CDADC1: variants seen among roughly 807,000 people sequenced by gnomAD.
The protein encoded by CDADC1 is dCTP deaminase.
Under a neutral mutation model 54.9 loss-of-function variants are expected in CDADC1, and 39 were observed. The observed-to-expected ratio is 0.71, with a 90% CI of 0.55 to 0.93. The LOEUF is 0.93. Among genes scored for constraint, CDADC1 ranks in the 40% least tolerant of loss-of-function variants. The probability of loss-of-function intolerance (pLI) is 0.00; values close to 1 mark genes in which losing one functional copy is unlikely to be tolerated. For missense variants in CDADC1, 518 were observed against 618.8 expected (o/e 0.84, Z 1.73); for synonymous variants, 186 against 204.0 (o/e 0.91, Z 0.75).
At chr13:49,287,973 A>T (rs767000729) in intron 9 of CDADC1, among the ~76,000 whole-genome samples, 2 of 119,328 alleles carry the variant, frequency 1.7e-5, no homozygotes, top group African/African-American at 7.9e-5. Context: ...ACCCTGCCTT[A>T]AAAAAAAAAA....
intron 5 of CDADC1, among the ~76,000 whole-genome samples, chr13:49,272,923 G>T (rs1463973376): frequency 1.3e-5 from 2 of 152,086 alleles, no homozygotes; most frequent in Non-Finnish European, 2.9e-5. Flanking sequence ...AGGCCAAGCA[G>T]GTTGGATCTG....
At chr13:49,265,987 A>G in intron 4 of CDADC1, 1 of 1,294,716 alleles carries the variant, frequency 7.7e-7, no homozygotes, top group African/African-American at 1.5e-5. Flanking sequence ...CAACCGGAGG[A>G]AACACTCTGA....
chr13:49,250,440 G>C (rs1952399987), intron 2 of CDADC1, among the ~76,000 whole-genome samples: 1 of 152,186 alleles, frequency 6.6e-6, no homozygotes, highest in Admixed American at 6.5e-5. Context: ...GGCAAGACTG[G>C]GAGCCAGGCT....
At chr13:49,265,753 A>G (rs9535182) in intron 4 of CDADC1, 178,535 of 631,210 alleles carry the variant, frequency 0.28, 26,123 homozygotes, top group East Asian at 0.49. Context: ...AGCTTTTTGG[A>G]GTCCTCAATA....
At position 49,267,776 on chromosome 13, in the gene CDADC1, T is replaced by C; in HGVS notation, c.717T>C (p.Tyr239=). Residue 239 remains tyrosine (Y), a synonymous_variant, in exon 5 of 10, where the codon TAT becomes TAC. Coordinates refer to ENST00000251108, the MANE Select transcript of CDADC1 (RefSeq NM_030911.4). ...GTAAACAAGAAAGAATAAAAGAATA[T>C]GAAATGTTATTTTTGGTTTCAAATG... ...YECKQERIKE[Y]EMLFLVSNEE... is the part of the protein sequence containing the mutation. 6.2e-7 allele frequency: 1 copy of C among 1,612,366 alleles called. No homozygotes were observed. Among genetic ancestry groups the C allele is most frequent in the Non-Finnish European group, 8.5e-7 (1 of 1,178,832 alleles).
chr13:49,250,622 T>C (rs566991566), intron 2 of CDADC1, among the ~76,000 whole-genome samples: 3 of 152,314 alleles, frequency 2.0e-5, no homozygotes, highest in Admixed American at 6.5e-5. Flanking sequence ...GGGAAGAGAC[T>C]GGAAAGGAGC....
In CDADC1 at chr13:49,257,571, C is replaced by A. The variant is rs185889620; in HGVS notation, c.252+1658C>A. Among the ~76,000 whole-genome samples, 52 of 152,272 alleles carry A rather than the reference C, an allele frequency of 3.4e-4. 2 individuals carry two copies. The highest frequency in any genetic ancestry group is 3.2e-3 in the Admixed American group (49 of 15,302). On this transcript the variant is annotated intron_variant, in intron 3 of 9. Transcript: ENST00000251108. Reference sequence around the variant, plus strand: ...GGATCACGAGATCCAGAGATCGAGACCATCCTGGCTAACATGGTGAAACCC... The same window carrying A: ...GGATCACGAGATCCAGAGATCGAGAACATCCTGGCTAACATGGTGAAACCC...
chr13:49,264,003 T>A (rs1193384378), intron 4 of CDADC1, among the ~76,000 whole-genome samples: 1 of 152,234 alleles, frequency 6.6e-6, no homozygotes, highest in African/African-American at 2.4e-5. Flanking sequence ...CACACAGTGT[T>A]TTCTTATAAG....
Position 49,269,829 on chromosome 13 carries a change from G to A in CDADC1, c.1000+1770G>A, listed in dbSNP as rs141439649. 4.0e-4 allele frequency among the ~76,000 whole-genome samples: 61 copies of A among 152,268 alleles called. No homozygotes were observed. In the East Asian group the frequency reaches 0.011, roughly 27 times the overall value. On this transcript the variant is annotated intron_variant, in intron 5 of 9. Transcript: ENST00000251108. ...AGCTGTGATTCCAGTGTTTAAAGACGCAGTATGTATACATTTGCATTTATA... is the reference window on the plus strand; with the variant it reads ...AGCTGTGATTCCAGTGTTTAAAGACACAGTATGTATACATTTGCATTTATA...
At position 49,268,750 on chromosome 13, in the gene CDADC1, A is replaced by T. The variant is rs79023555; in HGVS notation, c.1000+691A>T. Among the ~76,000 whole-genome samples the T allele has an allele frequency of 4.7e-3, 718 of 152,352 alleles. 9 individuals are homozygous for T. Among genetic ancestry groups the T allele is most frequent in the East Asian group, 0.046 (239 of 5,190 alleles). On this transcript the variant is annotated intron_variant, in intron 5 of 9. Transcript: ENST00000251108. ...ATGTACTGAATATTTAACAATTTTT[A>T]AAAAATCTTTACAATAACATTAATT...
chr13:49,293,468 A>G lies in CDADC1; in HGVS notation c.*1711A>G, dbSNP rs1255086533. ...TGTACAACTGGTCAGATTTCAATAA[A>G]TAATCATTGATGGTTTACTGTGTAG... On this transcript the variant is annotated 3_prime_UTR_variant, in exon 10 of 10. Transcript: ENST00000251108. 1 of 152,168 alleles carries G rather than the reference A, an allele frequency of 6.6e-6. No individual in the cohort carries two copies. The highest frequency in any genetic ancestry group is 1.5e-5 in the Non-Finnish European group (1 of 68,052). 9.4% of individuals were successfully genotyped at this position (152,168 alleles called of 1,614,324 possible).
At chr13:49,284,940 A>T (rs1279931810) in intron 8 of CDADC1, among the ~76,000 whole-genome samples, 2 of 152,210 alleles carry the variant, frequency 1.3e-5, no homozygotes, top group Non-Finnish European at 2.9e-5. Context: ...GGGCTGTGCT[A>T]TAAGATACCG....
intron 5 of CDADC1, among the ~76,000 whole-genome samples, chr13:49,271,748 C>T (rs1952970094): frequency 6.6e-6 from 1 of 152,068 alleles, no homozygotes; most frequent in Non-Finnish European, 1.5e-5. Context: ...AAGTTCCCCT[C>T]TGATTTTCAG....
At chr13:49,253,596 A>G (rs761268745) in intron 2 of CDADC1, among the ~76,000 whole-genome samples, 2 of 152,222 alleles carry the variant, frequency 1.3e-5, no homozygotes, top group South Asian at 2.1e-4. Flanking sequence ...TATATACTAC[A>G]TGAGGCTTTT....
At chr13:49,291,170 G>GTTT (rs11428391) in intron 9 of CDADC1, among the ~76,000 whole-genome samples, 6,292 of 142,120 alleles carry the variant, frequency 0.044, 278 homozygotes, top group East Asian at 0.16. Flanking sequence ...TCAGTTTTTG[G>GTTT]TTTTTTTTTT....
At chr13:49,266,509 G>C (rs903177382) in intron 4 of CDADC1, among the ~76,000 whole-genome samples, 8 of 152,020 alleles carry the variant, frequency 5.3e-5, no homozygotes, top group African/African-American at 7.2e-5. Context: ...TTAGTTTGTT[G>C]TTTTGTCTTT....
chr13:49,287,476 ATCTATCTATCTATCTATC>A (rs1194242959), intron 9 of CDADC1, among the ~76,000 whole-genome samples: 1 of 14,842 alleles, frequency 6.7e-5, no homozygotes, highest in African/African-American at 8.6e-5. Flanking sequence ...GTATCTATCT[ATCTATCTATCTATCTATC>A]TATCTATCTA....
At chr13:49,285,580 C>T (rs2138267224) in intron 8 of CDADC1, among the ~76,000 whole-genome samples, 1 of 152,246 alleles carries the variant, frequency 6.6e-6, no homozygotes, top group African/African-American at 2.4e-5. Context: ...TTCCATAGTA[C>T]TGGGCATGGG....
Position 49,292,362 on chromosome 13 carries a change from C to T in CDADC1, c.*605C>T. 1 of 988,746 alleles carries T rather than the reference C, an allele frequency of 1.0e-6. No individual in the cohort carries two copies. Among genetic ancestry groups the T allele is most frequent in the African/African-American group, 1.7e-5 (1 of 57,338 alleles). 61.2% of individuals were successfully genotyped at this position (988,746 alleles called of 1,614,324 possible). On this transcript the variant is annotated 3_prime_UTR_variant, in exon 10 of 10. Coordinates refer to ENST00000251108, the MANE Select transcript of CDADC1 (RefSeq NM_030911.4). ...ATTCTGTGGTCCTGTTTATCACAGA[C>T]TTTGGGTAGCAATAGGAAGAGAGTG... is the stretch of plus-strand genomic sequence containing the variant.
Sources: allele counts gnomAD v4.1 joint callset (sites outside exome capture counted in the v4.1 genomes callset), GRCh38; gene constraint gnomAD v4.1.1; transcripts MANE v1.5; gene names NCBI Gene and HGNC (gene_info 2026-07-23, HGNC 2026-07-21).